Variants in ANKRD18A observed in about 807,000 individuals in gnomAD.
ANKRD18A encodes the protein ankyrin repeat domain 18A.
ANKRD18A carries 72 observed loss-of-function variants against 110.6 expected under a neutral mutation model. The observed-to-expected ratio is 0.65, with a 90% CI of 0.54 to 0.79. The LOEUF (loss-of-function observed/expected upper bound fraction) is 0.79. Ranked by LOEUF, ANKRD18A falls within the 30% of genes least tolerant of loss-of-function variation. The pLI, the probability that ANKRD18A is intolerant of heterozygous loss-of-function variation, is 0.00. For missense variants in ANKRD18A, 934 were observed against 1,163.3 expected (o/e 0.80, Z 2.87); for synonymous variants, 305 against 410.3 (o/e 0.74, Z 3.10).
Position 38,575,702 on chromosome 9 carries a change from T to C in ANKRD18A, c.2742-4A>G. On this transcript the variant is annotated splice_region_variant and splice_polypyrimidine_tract_variant and intron_variant, in intron 14 of 15. Transcript: ENST00000399703. ...CACTGCTATTTTCTTATCCGATCTG[T>C]AAAGAGAGCAAAGACAAATGCTTAG... 1 of 1,544,950 alleles carries C rather than the reference T, an allele frequency of 6.5e-7. No individual in the cohort carries two copies. The highest frequency in any genetic ancestry group is 8.7e-7 in the Non-Finnish European group (1 of 1,144,308).
At chr9:38,596,692 C>T (rs1824896867) in intron 8 of ANKRD18A, among the ~76,000 whole-genome samples, 1 of 152,090 alleles carries the variant, frequency 6.6e-6, no homozygotes, top group Non-Finnish European at 1.5e-5. Flanking sequence ...TTACAACAAA[C>T]TCAAAGCATA....
At chr9:38,580,634 A>C (rs541604284) in intron 12 of ANKRD18A, among the ~76,000 whole-genome samples, 299 of 151,528 alleles carry the variant, frequency 2.0e-3, no homozygotes, top group African/African-American at 7.1e-3. Context: ...AGTAGTAAGA[A>C]GTAGTAAATA....
chr9:38,576,626 G>T (rs901416837), intron 14 of ANKRD18A, among the ~76,000 whole-genome samples: 11 of 152,274 alleles, frequency 7.2e-5, no homozygotes, highest in Admixed American at 6.5e-4. Flanking sequence ...TGAGTGCCAG[G>T]ATGTGCCCAG....
In ANKRD18A at chr9:38,575,625, T is replaced by C. The variant is rs760508057; in HGVS notation, c.2815A>G (p.Thr939Ala). The change falls in exon 15 of 16, where the codon ACT becomes GCT. Residue 939 changes from threonine (T) to alanine (A), a missense_variant. Thr to Ala is a moderately conservative substitution (Grantham distance 58). Around this residue, in one of 4 missense-constraint regions of ANKRD18A, gnomAD observed 223 missense variants for 226.7 expected, o/e 0.98. Transcript: ENST00000399703. ...EKQRMKYFLSTLPTRPEPELP... is the reference protein window; with the variant it reads ...EKQRMKYFLSALPTRPEPELP... Reference sequence around the variant, plus strand: ...TCTGGTTCTGGCCTTGTAGGAAGAGTGCTGAGAAAATATTTCATCCGCTGT... The same window carrying C: ...TCTGGTTCTGGCCTTGTAGGAAGAGCGCTGAGAAAATATTTCATCCGCTGT... 4.4e-5 allele frequency: 68 copies of C among 1,551,570 alleles called. No homozygotes were observed. Among genetic ancestry groups the C allele is most frequent in the East Asian group, 1.7e-4 (7 of 40,906 alleles).
intron 6 of ANKRD18A, among the ~76,000 whole-genome samples, chr9:38,605,467 C>T (rs946790728): frequency 3.3e-5 from 5 of 152,122 alleles, no homozygotes; most frequent in African/African-American, 7.2e-5. Context: ...ACTAAGTTAA[C>T]GGTGTCTTTA....
intron 12 of ANKRD18A, among the ~76,000 whole-genome samples, chr9:38,585,057 T>C (rs975118842): frequency 6.6e-6 from 1 of 152,188 alleles, no homozygotes; most frequent in Non-Finnish European, 1.5e-5. Context: ...CAAAGCTGCC[T>C]TCTGTGGGGG....
rs568237002 is a variant in ANKRD18A, at chr9:38,602,084, C to T, written c.863-880G>A. Among the ~76,000 whole-genome samples the T allele has an allele frequency of 6.7e-3, 1,001 of 149,854 alleles. 12 individuals are homozygous for T. Among genetic ancestry groups the T allele is most frequent in the African/African-American group, 0.023 (926 of 40,694 alleles). ...TTTTCTCCACGTACACAGGTGTCTC[C>T]TTTCTTGGGGCTCCCTTCGTACTTT... is the stretch of plus-strand genomic sequence containing the variant. On this transcript the variant is annotated intron_variant, in intron 7 of 15. Transcript: ENST00000399703.
chr9:38,579,293 T>C (rs374821264), intron 12 of ANKRD18A, among the ~76,000 whole-genome samples: 2 of 152,062 alleles, frequency 1.3e-5, no homozygotes, highest in African/African-American at 2.4e-5. Flanking sequence ...AAGATTTGTA[T>C]AGGTAAGACA....
chr9:38,588,363 G>A (rs1185384861), intron 11 of ANKRD18A, among the ~76,000 whole-genome samples, 188 bp downstream of exon 11: 1 of 151,984 alleles, frequency 6.6e-6, no homozygotes, highest in Non-Finnish European at 1.5e-5. Context: ...AAGTCCAAGG[G>A]TCATGGACTC....
At chr9:38,600,675 C>A (rs936452802) in intron 8 of ANKRD18A, among the ~76,000 whole-genome samples, 10 of 152,050 alleles carry the variant, frequency 6.6e-5, no homozygotes, top group Non-Finnish European at 1.5e-4. Context: ...AACCAGAAAC[C>A]AAAAAACAGA....
intron 11 of ANKRD18A, among the ~76,000 whole-genome samples, chr9:38,586,773 A>T (rs1824402200): frequency 6.6e-6 from 1 of 152,160 alleles, no homozygotes; most frequent in Non-Finnish European, 1.5e-5. Flanking sequence ...CATGTTGGTC[A>T]GGCTGGTTTT....
chr9:38,579,989 A>G (rs912138508), intron 12 of ANKRD18A, among the ~76,000 whole-genome samples: 3 of 152,226 alleles, frequency 2.0e-5, no homozygotes, highest in Admixed American at 6.5e-5. Flanking sequence ...TGGAATACTC[A>G]CCATATAAAA....
At chr9:38,591,264 C>T (rs1264270634) in intron 10 of ANKRD18A, among the ~76,000 whole-genome samples, 1 of 152,050 alleles carries the variant, frequency 6.6e-6, no homozygotes, top group Non-Finnish European at 1.5e-5. Flanking sequence ...GCCACCTCAC[C>T]AACCAGGTGT....
In ANKRD18A at chr9:38,577,169, A is replaced by C. The variant is rs1359539227; in HGVS notation, c.2625T>G (p.Cys875Trp). The change falls in exon 14 of 16, where the codon TGT (cysteine) becomes TGG (tryptophan). Residue 875 changes from cysteine (C) to tryptophan (W), a missense_variant. By Grantham distance (215) the Cys-to-Trp change is radical. Around this residue, in one of 4 missense-constraint regions of ANKRD18A, gnomAD observed 223 missense variants for 226.7 expected, o/e 0.98. Transcript: ENST00000399703. ...AAGCAGTTTTCATTTTGGAGAATTT[A>C]CATTCCACATCTTTAAGTGTGAGTT... ...KKELTLKDVECKFSKMKTAYE... is the reference protein window; with the variant it reads ...KKELTLKDVEWKFSKMKTAYE... 6.5e-7 allele frequency: 1 copy of C among 1,549,154 alleles called. No homozygotes were observed. The highest frequency in any genetic ancestry group is 8.7e-7 in the Non-Finnish European group (1 of 1,146,432).
Position 38,595,908 on chromosome 9 carries a change from T to C in ANKRD18A, c.1432A>G (p.Lys478Glu). Reference sequence around the variant, plus strand: ...AAGGTATTGAACTTCACCCGAGCTTTATGGACCTGTTCAGTAAGCAACTCA... The same window carrying C: ...AAGGTATTGAACTTCACCCGAGCTTCATGGACCTGTTCAGTAAGCAACTCA... ...KNELLTEQVH[K>E]ARVKFNTLKG... is the part of the protein sequence containing the mutation. The change falls in exon 9 of 16, where the codon AAA becomes GAA. Residue 478 changes from lysine (K) to glutamate (E), a missense_variant. Around this residue, in one of 4 missense-constraint regions of ANKRD18A, gnomAD observed 630 missense variants for 797.5 expected, o/e 0.79. Transcript: ENST00000399703. 6.4e-7 allele frequency: 1 copy of C among 1,551,230 alleles called. No individual in the cohort carries two copies. Among genetic ancestry groups the C allele is most frequent in the Non-Finnish European group, 8.7e-7 (1 of 1,146,694 alleles).
chr9:38,596,198 G>C lies in ANKRD18A; in HGVS notation c.1142C>G (p.Thr381Arg). Residue 381 changes from threonine to arginine, a missense_variant, in exon 9 of 16, where the codon ACA becomes AGA. Thr to Arg is a moderately conservative substitution (Grantham distance 71). Coordinates refer to ENST00000399703, the MANE Select transcript of ANKRD18A (RefSeq NM_147195.4). Reference sequence around the variant, plus strand: ...TTGCGAATACCGGGCCACTGTTTTTGTTATCATTTTTTCATTGAGTCTTAC... The same window carrying C: ...TTGCGAATACCGGGCCACTGTTTTTCTTATCATTTTTTCATTGAGTCTTAC... ...KSVRLNEKMI[T>R]KTVARYSQQL... 6.5e-7 allele frequency: 1 copy of C among 1,537,166 alleles called. No homozygotes were observed. Among genetic ancestry groups the C allele is most frequent in the Non-Finnish European group, 8.8e-7 (1 of 1,141,546 alleles).
In ANKRD18A at chr9:38,582,924, G is replaced by A. The variant is rs1469734052; in HGVS notation, c.2247+3259C>T. ...TATTTGAAAAGTGTATATCTGATAAGGGACTTACATATATAGGATATATAA... is the reference window on the plus strand; with the variant it reads ...TATTTGAAAAGTGTATATCTGATAAAGGACTTACATATATAGGATATATAA... On this transcript the variant is annotated intron_variant, in intron 12 of 15. Coordinates refer to ENST00000399703, the MANE Select transcript of ANKRD18A (RefSeq NM_147195.4). 2.0e-5 allele frequency among the ~76,000 whole-genome samples: 3 copies of A among 152,214 alleles called. No individual in the cohort carries two copies. In the East Asian group the frequency reaches 5.8e-4, roughly 29 times the overall value.
intron 11 of ANKRD18A, among the ~76,000 whole-genome samples, chr9:38,588,021 G>C (rs1297652522): frequency 6.6e-6 from 1 of 152,198 alleles, no homozygotes; most frequent in Admixed American, 6.5e-5. Flanking sequence ...CCAGGTGGCA[G>C]AGGTTGCAGT....
chr9:38,612,056 TG>T lies in ANKRD18A; in HGVS notation c.496-736del, dbSNP rs1385372395. 2.2e-4 allele frequency among the ~76,000 whole-genome samples: 33 copies of T among 152,160 alleles called. 1 individual carries two copies. The highest frequency in any genetic ancestry group is 2.2e-3 in the Admixed American group (33 of 15,278). ...TCTATCAATGGTCTCAGGATGCCAA[TG>T]TCAGGCACTCCTGATCCAAAGGGGC... On this transcript the variant is annotated intron_variant, in intron 3 of 15. Coordinates refer to ENST00000399703, the MANE Select transcript of ANKRD18A (RefSeq NM_147195.4).
Sources: allele counts gnomAD v4.1 joint callset (sites outside exome capture counted in the v4.1 genomes callset), GRCh38; gene constraint gnomAD v4.1.1; regional missense constraint gnomAD v4.1.1; transcripts MANE v1.5; gene names NCBI Gene and HGNC (gene_info 2026-07-23, HGNC 2026-07-21).